EPC1: variants seen among roughly 807,000 people sequenced by gnomAD.
EPC1 encodes the protein enhancer of polycomb 1, also known as enhancer of polycomb homolog 1.
A neutral mutation model predicts 98.4 loss-of-function variants in EPC1; 12 were observed. That is an observed-to-expected ratio of 0.12 (90% CI 0.08 to 0.20). The LOEUF (loss-of-function observed/expected upper bound fraction) is 0.20. Among genes scored for constraint, EPC1 ranks in the 10% least tolerant of loss-of-function variants. The pLI, the probability that EPC1 is intolerant of heterozygous loss-of-function variation, is 1.00. For missense variants in EPC1, 729 were observed against 990.5 expected (o/e 0.74, Z 3.54); for synonymous variants, 357 against 363.9 (o/e 0.98, Z 0.21).
At chr10:32,372,960 G>T (rs1375142164) in intron 1 of EPC1, among the ~76,000 whole-genome samples, 1 of 152,232 alleles carries the variant, frequency 6.6e-6, no homozygotes, top group Non-Finnish European at 1.5e-5. Context: ...GGAGGCGGAG[G>T]TTGCAATGAG....
chr10:32,377,496 A>G (rs1839893738), intron 1 of EPC1: 1 of 152,236 alleles, frequency 6.6e-6, no homozygotes, highest in Non-Finnish European at 1.5e-5. Flanking sequence ...GATAAATCAG[A>G]TCAGATAAAA....
At chr10:32,344,891 G>C (rs1434364508) in intron 1 of EPC1, among the ~76,000 whole-genome samples, 1 of 152,184 alleles carries the variant, frequency 6.6e-6, no homozygotes, top group South Asian at 2.1e-4. Context: ...ACTTCAGGTT[G>C]TAACTCTTGG....
At chr10:32,348,987 A>G (rs1244850648), upstream of EPC1, among the ~76,000 whole-genome samples, 1 of 152,234 alleles carries the variant, frequency 6.6e-6, no homozygotes, top group South Asian at 2.1e-4. Flanking sequence ...GAAGAAAGGT[A>G]TCTTAAGACA....
intron 1 of EPC1, among the ~76,000 whole-genome samples, chr10:32,366,706 C>T (rs1416669069): frequency 6.6e-6 from 1 of 151,748 alleles, no homozygotes. Context: ...GAACAAAAAG[C>T]AGCACACAGA....
At chr10:32,337,303 T>C (rs931134707) in intron 1 of EPC1, among the ~76,000 whole-genome samples, 1 of 152,238 alleles carries the variant, frequency 6.6e-6, no homozygotes, top group Admixed American at 6.5e-5. Flanking sequence ...TTAGTGGGAA[T>C]GTGTAGCACA....
At chr10:32,376,529 T>C (rs1839875323) in intron 1 of EPC1, among the ~76,000 whole-genome samples, 1 of 152,058 alleles carries the variant, frequency 6.6e-6, no homozygotes, top group Non-Finnish European at 1.5e-5. Context: ...ATTTTATGAA[T>C]AGCTAAAATG....
At chr10:32,335,976 CT>C (rs1837936260) in intron 1 of EPC1, among the ~76,000 whole-genome samples, 1 of 152,112 alleles carries the variant, frequency 6.6e-6, no homozygotes, top group Non-Finnish European at 1.5e-5. Flanking sequence ...AGTCCTACCA[CT>C]TTTCTACCAT....
chr10:32,269,085 G>A lies in EPC1; in HGVS notation c.2420C>T (p.Thr807Ile). The stretch of plus-strand genomic sequence containing the variant: ...AAGCTACGTCACCTCCATCGCTACT[G>A]TGTTGTCTGCTATGTTGTTCAGTGC... Reference protein sequence around the residue: ...KPALNNIADNTVAMEVT With the variant: ...KPALNNIADNIVAMEVT Residue 807 changes from threonine (T) to isoleucine (I), a missense_variant, in exon 14 of 14, where the codon ACA becomes ATA. Thr to Ile is a moderately conservative substitution (Grantham distance 89, BLOSUM62 -1). Transcript: ENST00000319778. 6.2e-7 allele frequency: 1 copy of A among 1,613,872 alleles called. No individual in the cohort carries two copies. The highest frequency in any genetic ancestry group is 8.5e-7 in the Non-Finnish European group (1 of 1,179,880).
At chr10:32,354,881 G>A (rs925320573) in intron 1 of EPC1, among the ~76,000 whole-genome samples, 3 of 152,076 alleles carry the variant, frequency 2.0e-5, no homozygotes, top group Non-Finnish European at 4.4e-5. Context: ...TTCCTTATGA[G>A]AATCTAATGC....
At chr10:32,344,060 G>T (rs905278205) in intron 1 of EPC1, among the ~76,000 whole-genome samples, 1 of 152,128 alleles carries the variant, frequency 6.6e-6, no homozygotes, top group Admixed American at 6.5e-5. Flanking sequence ...AATAACTAAT[G>T]TGTCAGTTAA....
intron 1 of EPC1, among the ~76,000 whole-genome samples, chr10:32,362,866 T>C (rs990289137): frequency 1.3e-4 from 20 of 152,142 alleles, no homozygotes; most frequent in Non-Finnish European, 1.9e-4. Context: ...AGTGAAGCAG[T>C]ACCCTTAAGG....
intron 2 of EPC1, among the ~76,000 whole-genome samples, chr10:32,298,032 C>T (rs1309526349): frequency 2.0e-5 from 3 of 151,624 alleles, no homozygotes; most frequent in Non-Finnish European, 4.4e-5. Flanking sequence ...CTCCTGACCT[C>T]GTGATCTGCC....
Position 32,268,437 on chromosome 10 carries a change from GCCTT to G in EPC1, c.*622_*625del, listed in dbSNP as rs1835683124. The G allele has an allele frequency of 1.2e-5, 1 of 80,084 alleles. No homozygotes were observed. Among genetic ancestry groups the G allele is most frequent in the Non-Finnish European group, 2.2e-5 (1 of 45,284 alleles). 5.0% of individuals were successfully genotyped at this position (80,084 alleles called of 1,614,324 possible). On this transcript the variant is annotated 3_prime_UTR_variant, in exon 14 of 14. Coordinates refer to ENST00000319778, the MANE Select transcript of EPC1 (RefSeq NM_001272004.3). ...ATTCCCCATTTTTAAAAAAACTGATGCCTTTTTTTTTTTTTTTTTTTTTGTAAAA... is the reference window on the plus strand; with the variant it reads ...ATTCCCCATTTTTAAAAAAACTGATGTTTTTTTTTTTTTTTTTTTGTAAAA...
chr10:32,316,063 A>G (rs760505054), intron 1 of EPC1, among the ~76,000 whole-genome samples: 6 of 152,286 alleles, frequency 3.9e-5, no homozygotes, highest in South Asian at 2.1e-4. Context: ...CTGTTTGTCA[A>G]TCTTGTAAGA....
intron 1 of EPC1, among the ~76,000 whole-genome samples, chr10:32,323,734 G>T (rs748985123): frequency 1.3e-5 from 2 of 152,084 alleles, no homozygotes; most frequent in Admixed American, 6.5e-5. Context: ...CTCTTAGCAT[G>T]GTCCCTAGCA....
At chr10:32,342,580 C>G (rs763495872) in intron 1 of EPC1, among the ~76,000 whole-genome samples, 28 of 152,182 alleles carry the variant, frequency 1.8e-4, no homozygotes, top group Non-Finnish European at 3.2e-4. Flanking sequence ...AACCAAGGTG[C>G]TGGATTATGG....
intron 10 of EPC1, among the ~76,000 whole-genome samples, chr10:32,276,848 C>T (rs1247636875): frequency 6.6e-6 from 1 of 152,150 alleles, no homozygotes; most frequent in Non-Finnish European, 1.5e-5. Flanking sequence ...GTATGTCTAC[C>T]TCCTGATATG....
chr10:32,320,122 T>C (rs1460318216), intron 1 of EPC1, among the ~76,000 whole-genome samples: 1 of 151,800 alleles, frequency 6.6e-6, no homozygotes, highest in Non-Finnish European at 1.5e-5. Context: ...GGGTAGAGAA[T>C]GCTCTATGTA....
intron 10 of EPC1, 95 bp downstream of exon 10, chr10:32,284,603 A>G: frequency 9.8e-7 from 1 of 1,020,400 alleles, no homozygotes; most frequent in Non-Finnish European, 1.4e-6. Flanking sequence ...AAAGGACTTT[A>G]AGCCATAAAT....
Sources: gnomAD v4.1 joint callset for allele counts (sites outside exome capture counted in the v4.1 genomes callset) on GRCh38, gnomAD v4.1.1 for gene constraint, MANE v1.5 for transcripts, NCBI Gene and HGNC (gene_info 2026-07-23, HGNC 2026-07-21) for gene names.